TRAF5: variants seen among roughly 807,000 people sequenced by gnomAD.
TRAF5 encodes TNF receptor associated factor 5, also known as TNF receptor-associated factor 5.
A neutral mutation model predicts 64.5 loss-of-function variants in TRAF5; 48 were observed. The ratio of observed to expected loss-of-function variants is 0.74; its 90% confidence interval spans 0.59 to 0.95. The LOEUF (loss-of-function observed/expected upper bound fraction) is 0.95, where lower values mean the gene tolerates loss of function less well. TRAF5 is among the 40% of genes least tolerant of loss of function. TRAF5 has a pLI of 0.00. For missense variants in TRAF5, 545 were observed against 662.8 expected (o/e 0.82, Z 1.95); for synonymous variants, 206 against 240.5 (o/e 0.86, Z 1.33).
intron 1 of TRAF5, 32 bp from the exon 2 acceptor site, chr1:211,353,207 T>C (rs1299309745): frequency 6.2e-7 from 1 of 1,606,758 alleles, no homozygotes; most frequent in South Asian, 1.1e-5. Context: ...TTTGCACACT[T>C]AATTTTCCCT....
chr1:211,360,988 C>A, intron 6 of TRAF5, 100 bp from the exon 7 acceptor site: 1 of 1,247,174 alleles, frequency 8.0e-7, no homozygotes, highest in Non-Finnish European at 1.2e-6. Context: ...TCTCCTTCTC[C>A]TGGTCCTTGC....
In TRAF5 at chr1:211,372,973, G is replaced by A. The variant is rs945280327; in HGVS notation, c.*271G>A. On this transcript the variant is annotated 3_prime_UTR_variant, in exon 11 of 11. Coordinates refer to ENST00000261464, the MANE Select transcript of TRAF5 (RefSeq NM_001033910.3). ...GTAAGTTTCTTGAAGTTTTTGGGGC[G>A]TTTCTCTTTTACTGGTGCTTAGCGC... is the stretch of plus-strand genomic sequence containing the variant. 1.7e-5 allele frequency: 5 copies of A among 288,740 alleles called. No individual in the cohort carries two copies. Among genetic ancestry groups the A allele is most frequent in the East Asian group, 1.5e-4 (2 of 13,722 alleles). 17.9% of individuals were successfully genotyped at this position (288,740 alleles called of 1,614,324 possible).
chr1:211,360,098 A>G, intron 5 of TRAF5, 22 bp downstream of exon 5: 1 of 1,611,030 alleles, frequency 6.2e-7, no homozygotes, highest in Non-Finnish European at 8.5e-7. Context: ...CACATACAAC[A>G]GTCATCTTTA....
chr1:211,355,933 A>G (rs1040979002), intron 3 of TRAF5, among the ~76,000 whole-genome samples: 8 of 152,234 alleles, frequency 5.3e-5, no homozygotes, highest in African/African-American at 1.2e-4. Context: ...GATGTGGACT[A>G]TCTGACCCCT....
Position 211,356,287 on chromosome 1 carries a change from G to A in TRAF5, c.277-80G>A, listed in dbSNP as rs935213922. On this transcript the variant is annotated intron_variant, in intron 3 of 10. Coordinates refer to ENST00000261464, the MANE Select transcript of TRAF5 (RefSeq NM_001033910.3). ...TCCACCTGCCTTCTGAGATACACTC[G>A]AAGACCAAATTAGTAATAGCTTAAT... 8 of 1,245,402 alleles carry A rather than the reference G, an allele frequency of 6.4e-6. No homozygotes were observed. In the Admixed American group the frequency reaches 9.4e-5, roughly 15 times the overall value. The allele number at this position is 1,245,402 out of a possible 1,614,324, so 77.1% of individuals were successfully genotyped here.
chr1:211,354,252 A>G (rs950429810), intron 2 of TRAF5, among the ~76,000 whole-genome samples, 158 bp from the exon 3 acceptor site: 1 of 152,184 alleles, frequency 6.6e-6, no homozygotes, highest in African/African-American at 2.4e-5. Flanking sequence ...GTGCTGAAGG[A>G]GGGGTACAGG....
At chr1:211,347,874 C>T (rs995322504) in intron 1 of TRAF5, among the ~76,000 whole-genome samples, 4 of 152,218 alleles carry the variant, frequency 2.6e-5, no homozygotes, top group African/African-American at 9.6e-5. Flanking sequence ...TTCCCAGTTC[C>T]AGTTCAGTGA....
At chr1:211,341,252 C>T (rs114726033) in intron 1 of TRAF5, among the ~76,000 whole-genome samples, 1,677 of 152,198 alleles carry the variant, frequency 0.011, 31 homozygotes, top group African/African-American at 0.038. Flanking sequence ...GAGTGGAATG[C>T]TGACAAGGAG....
At position 211,371,337 on chromosome 1, in the gene TRAF5, A is replaced by G; in HGVS notation, c.966A>G (p.Leu322=). 3 of 1,604,404 alleles carry G rather than the reference A, an allele frequency of 1.9e-6. No individual in the cohort carries two copies. The highest frequency in any genetic ancestry group is 2.5e-6 in the Non-Finnish European group (3 of 1,178,164). The change falls in exon 10 of 11, where the codon CTA becomes CTG. Residue 322 remains leucine (L), a synonymous_variant. Transcript: ENST00000261464. ...FASHIDKSAW[L]EAQVHQLLQM... is the part of the protein sequence containing the mutation. ...GTCACATTGACAAGTCAGCTTGGCT[A>G]GAAGCTCAAGTGCATCAATTATTAC...
chr1:211,338,570 A>T (rs1237023845), intron 1 of TRAF5, among the ~76,000 whole-genome samples: 1 of 152,162 alleles, frequency 6.6e-6, no homozygotes, highest in Admixed American at 6.5e-5. Context: ...TGTGATAATA[A>T]TTTACGTGGA....
intron 7 of TRAF5, 47 bp downstream of exon 7, chr1:211,361,209 T>G: frequency 6.5e-7 from 1 of 1,541,874 alleles, no homozygotes. Flanking sequence ...ACTGTATAAT[T>G]CACTTGGCAA....
chr1:211,372,101 T>C (rs1451308058), intron 10 of TRAF5, 27 bp from the exon 11 acceptor site: 3 of 21,536 alleles, frequency 1.4e-4, no homozygotes, highest in Non-Finnish European at 3.6e-4. Context: ...CTATGGAATC[T>C]TTTTTTTTTT....
In TRAF5 at chr1:211,352,827, A is replaced by G. The variant is rs183338605; in HGVS notation, c.-1-412A>G. On this transcript the variant is annotated intron_variant, in intron 1 of 10. Transcript: ENST00000261464. ...GTGAGAAATATATTTGTCTGCTTCT[A>G]AAAATTTTAACAAAACCTGTGTTTC... 1.9e-3 allele frequency among the ~76,000 whole-genome samples: 287 copies of G among 152,304 alleles called. 1 individual carries two copies. The highest frequency in any genetic ancestry group is 6.6e-3 in the African/African-American group (275 of 41,552).
Position 211,360,766 on chromosome 1 carries a change from T to C in TRAF5, c.608T>C (p.Ile203Thr), listed in dbSNP as rs1703151078. Residue 203 changes from isoleucine to threonine, a missense_variant, in exon 6 of 11, where the codon ATT becomes ACT. Ile to Thr is a moderately conservative substitution (Grantham distance 89). Transcript: ENST00000261464. ...VFCPNNCAKIILKTEVDEHLA... is the reference protein window; with the variant it reads ...VFCPNNCAKITLKTEVDEHLA... Reference sequence around the variant, plus strand: ...TGTCCCAACAATTGTGCGAAGATTATTCTAAAAACTGAGGTAACTGCAAAT... The same window carrying C: ...TGTCCCAACAATTGTGCGAAGATTACTCTAAAAACTGAGGTAACTGCAAAT... 6.2e-7 allele frequency: 1 copy of C among 1,613,348 alleles called. No homozygotes were observed. Among genetic ancestry groups the C allele is most frequent in the Non-Finnish European group, 8.5e-7 (1 of 1,179,444 alleles).
rs1350332340 is a variant in TRAF5 at position 211,372,824 on chromosome 1, C to T, written c.*122C>T. On this transcript the variant is annotated 3_prime_UTR_variant, in exon 11 of 11. Transcript: ENST00000261464. ...CATTTGTATTTGCCTTTTTCCTTAA[C>T]GTTTGAAGTCAGTTTAAAACTTCTG... 12 of 901,040 alleles carry T rather than the reference C, an allele frequency of 1.3e-5. No individual in the cohort carries two copies. The highest frequency in any genetic ancestry group is 8.4e-5 in the African/African-American group (5 of 59,804). The allele number at this position is 901,040 out of a possible 1,614,324, so 55.8% of individuals were successfully genotyped here.
chr1:211,341,103 C>T (rs1318054956), intron 1 of TRAF5, among the ~76,000 whole-genome samples: 1 of 152,364 alleles, frequency 6.6e-6, no homozygotes, highest in Non-Finnish European at 1.5e-5. Context: ...TGGGCACACC[C>T]ACCCCCATTT....
intron 7 of TRAF5, among the ~76,000 whole-genome samples, chr1:211,362,697 A>C (rs984829217): frequency 8.0e-5 from 12 of 149,802 alleles, no homozygotes; most frequent in South Asian, 2.1e-4. Flanking sequence ...AAACGAAAAA[A>C]CCCCCCCAAC....
chr1:211,366,129 C>A (rs886105854), intron 8 of TRAF5, among the ~76,000 whole-genome samples: 1 of 152,154 alleles, frequency 6.6e-6, no homozygotes, highest in East Asian at 1.9e-4. Context: ...TTTGTTAGAA[C>A]ATCTCAGAAA....
At chr1:211,356,678 G>T (rs746176572) in intron 4 of TRAF5, 5 of 481,582 alleles carry the variant, frequency 1.0e-5, no homozygotes, top group African/African-American at 2.0e-5. Flanking sequence ...TGTATGGAGC[G>T]CATGGAGGAC....
Sources: allele counts gnomAD v4.1 joint callset (sites outside exome capture counted in the v4.1 genomes callset), GRCh38; gene constraint gnomAD v4.1.1; transcripts MANE v1.5; gene names NCBI Gene and HGNC (gene_info 2026-07-23, HGNC 2026-07-21).